LEKR1: variants seen among roughly 807,000 people sequenced by gnomAD.
LEKR1 encodes the protein protein LEKR1.
In LEKR1, 59 loss-of-function variants were observed where a neutral mutation model predicts 72.4. The ratio of observed to expected loss-of-function variants is 0.82; its 90% CI spans 0.66 to 1.01. The LOEUF (loss-of-function observed/expected upper bound fraction) is 1.01. LEKR1 is among the 50% of genes least tolerant of loss of function. The pLI is 0.00. For missense variants in LEKR1, 728 were observed against 759.2 expected, an observed-to-expected ratio of 0.96 and a Z score of 0.48; for synonymous variants, 257 against 263.2, an observed-to-expected ratio of 0.98 and a Z score of 0.23.
At chr3:156,934,773 GAT>G (rs1317669024) in intron 5 of LEKR1, among the ~76,000 whole-genome samples, 6 of 151,950 alleles carry the variant, frequency 3.9e-5, no homozygotes, top group Non-Finnish European at 7.4e-5. Flanking sequence ...TTAACATTTT[GAT>G]ATAGAGCTTT....
intron 3 of LEKR1, among the ~76,000 whole-genome samples, chr3:156,877,418 G>A (rs996161859): frequency 5.3e-5 from 8 of 152,240 alleles, no homozygotes; most frequent in Middle Eastern, 6.8e-3. Flanking sequence ...ATGTCTTAGA[G>A]AATTCAGCTG....
At chr3:156,995,245 A>T (rs73873762) in intron 9 of LEKR1, among the ~76,000 whole-genome samples, 1 of 152,176 alleles carries the variant, frequency 6.6e-6, no homozygotes, top group Non-Finnish European at 1.5e-5. Flanking sequence ...TTCTTGGGGA[A>T]TTGCTTTGAA....
intron 10 of LEKR1, among the ~76,000 whole-genome samples, chr3:157,012,812 G>C (rs1414256398): frequency 6.6e-6 from 1 of 151,992 alleles, no homozygotes; most frequent in Non-Finnish European, 1.5e-5. Flanking sequence ...CTAAGGCCCA[G>C]CTTCTTTCAT....
intron 6 of LEKR1, among the ~76,000 whole-genome samples, chr3:156,962,244 C>T (rs543006485): frequency 6.6e-6 from 1 of 152,288 alleles, no homozygotes; most frequent in African/African-American, 2.4e-5. Context: ...CTTTATGATT[C>T]CTTTTGAACT....
In LEKR1 at chr3:157,020,290, T is replaced by TATTATC. The variant is rs1457245440; in HGVS notation, c.1204-4465_1204-4464insCATTAT. On this transcript the variant is annotated intron_variant, in intron 10 of 12. Transcript: ENST00000356539. ...TTATTATTATTATTATTATTATTAT[T>TATTATC]ATTATACTTTAAGTTTTAGGGTACA... Among the ~76,000 whole-genome samples the TATTATC allele has an allele frequency of 2.0e-5, 3 of 147,108 alleles. No individual in the cohort carries two copies. In the East Asian group the frequency reaches 5.9e-4, roughly 29 times the overall value.
At chr3:156,949,159 G>A (rs1165030452) in intron 6 of LEKR1, among the ~76,000 whole-genome samples, 1 of 151,538 alleles carries the variant, frequency 6.6e-6, no homozygotes, top group Non-Finnish European at 1.5e-5. Flanking sequence ...AAGTTCTTAA[G>A]TTTAATTAGA....
chr3:156,929,736 C>A (rs1198531785), intron 5 of LEKR1, among the ~76,000 whole-genome samples: 2 of 152,092 alleles, frequency 1.3e-5, no homozygotes, highest in African/African-American at 4.8e-5. Context: ...GACAGGACTA[C>A]AATTGTCAGC....
intron 3 of LEKR1, among the ~76,000 whole-genome samples, chr3:156,882,356 C>G (rs1202383922): frequency 6.6e-6 from 1 of 151,646 alleles, no homozygotes; most frequent in Non-Finnish European, 1.5e-5. Flanking sequence ...TGAACAGACA[C>G]TTCTCAAAAG....
At chr3:156,896,747 A>G (rs1161218740) in intron 3 of LEKR1, among the ~76,000 whole-genome samples, 1 of 152,234 alleles carries the variant, frequency 6.6e-6, no homozygotes, top group Non-Finnish European at 1.5e-5. Context: ...ATATGCATGC[A>G]TATGTCCATT....
intron 9 of LEKR1, among the ~76,000 whole-genome samples, chr3:156,994,524 A>G (rs568927190): frequency 5.3e-5 from 8 of 152,278 alleles, no homozygotes; most frequent in African/African-American, 1.9e-4. Flanking sequence ...CCTCTACTTA[A>G]CTGACTATTC....
At chr3:156,847,541 C>A (rs1295251821) in intron 2 of LEKR1, among the ~76,000 whole-genome samples, 3 of 152,146 alleles carry the variant, frequency 2.0e-5, no homozygotes, top group Admixed American at 6.5e-5. Context: ...CATTTGGGAA[C>A]ATAATTACAG....
intron 10 of LEKR1, among the ~76,000 whole-genome samples, chr3:157,022,959 G>C (rs1403718671): frequency 1.3e-5 from 2 of 152,184 alleles, no homozygotes; most frequent in Non-Finnish European, 2.9e-5. Context: ...CAGATGCTTA[G>C]TCCTATACCC....
chr3:156,842,290 T>C (rs911165915), intron 2 of LEKR1, among the ~76,000 whole-genome samples: 1 of 152,154 alleles, frequency 6.6e-6, no homozygotes, highest in East Asian at 1.9e-4. Context: ...TATTTCTCTA[T>C]TGAAGAAAAA....
intron 12 of LEKR1, among the ~76,000 whole-genome samples, chr3:157,033,627 G>A (rs1734771194): frequency 6.6e-6 from 1 of 152,188 alleles, no homozygotes; most frequent in Non-Finnish European, 1.5e-5. Context: ...AGAACATAAA[G>A]GTATAAGGTA....
At chr3:156,981,192 A>G (rs1490395880) in intron 7 of LEKR1, among the ~76,000 whole-genome samples, 4 of 152,214 alleles carry the variant, frequency 2.6e-5, no homozygotes, top group Non-Finnish European at 4.4e-5. Context: ...TGTTCACACA[A>G]TGACAAAATT....
At chr3:156,858,992 A>G (rs1421228959) in intron 3 of LEKR1, among the ~76,000 whole-genome samples, 2 of 152,090 alleles carry the variant, frequency 1.3e-5, no homozygotes, top group South Asian at 2.1e-4. Flanking sequence ...ATCTATGTCT[A>G]TTTTTATTCC....
intron 3 of LEKR1, among the ~76,000 whole-genome samples, chr3:156,911,032 C>T (rs977528140): frequency 1.3e-5 from 2 of 152,142 alleles, no homozygotes; most frequent in African/African-American, 4.8e-5. Flanking sequence ...GCCATTCTGA[C>T]TGCTGTGAGA....
intron 7 of LEKR1, among the ~76,000 whole-genome samples, chr3:156,987,022 C>CTATTG (rs67063525): frequency 0.23 from 28,196 of 124,242 alleles, 4,896 homozygotes; most frequent in South Asian, 0.27. Flanking sequence ...AAATAGCTAG[C>CTATTG]TATTGTATTG....
At chr3:156,964,790 A>G (rs1728423348) in intron 6 of LEKR1, among the ~76,000 whole-genome samples, 1 of 152,232 alleles carries the variant, frequency 6.6e-6, no homozygotes, top group African/African-American at 2.4e-5. Flanking sequence ...AAATACACTG[A>G]TTCATTAAAA....
Sources: gnomAD v4.1 joint callset for allele counts (sites outside exome capture counted in the v4.1 genomes callset) on GRCh38, gnomAD v4.1.1 for gene constraint, MANE v1.5 for transcripts, NCBI Gene and HGNC (gene_info 2026-07-23, HGNC 2026-07-21) for gene names.